Variants in SGCD observed in about 807,000 individuals in gnomAD.
The protein encoded by SGCD is sarcoglycan delta.
In SGCD, 18 loss-of-function variants were observed where a neutral mutation model predicts 36.6. The ratio of observed to expected loss-of-function variants is 0.49; its 90% CI spans 0.34 to 0.73. The LOEUF is 0.73. Ranked by LOEUF, SGCD falls within the 30% of genes least tolerant of loss-of-function variation. The pLI is 0.01. For synonymous variants in SGCD, 133 were observed against 130.6 expected, an observed-to-expected ratio of 1.02 and a Z score of -0.12; for missense variants, 387 against 346.7, an observed-to-expected ratio of 1.12 and a Z score of -0.92.
At chr5:156,648,157 C>T (rs1350255492) in intron 7 of SGCD, among the ~76,000 whole-genome samples, 1 of 152,084 alleles carries the variant, frequency 6.6e-6, no homozygotes, top group East Asian at 1.9e-4. Flanking sequence ...ATGCCCCTGT[C>T]CCTCCCGCCA....
intron 3 of SGCD, among the ~76,000 whole-genome samples, chr5:156,225,856 T>C (rs991581206): frequency 1.1e-4 from 16 of 152,046 alleles, no homozygotes; most frequent in African/African-American, 3.4e-4. Context: ...ATTCCCTTTT[T>C]ATTCAAGAGT....
chr5:155,741,687 C>CTTTTTTTTTTTTTTTTTTTTTT, the SGCD span, among the ~76,000 whole-genome samples: 2 of 132,290 alleles, frequency 1.5e-5, no homozygotes, highest in African/African-American at 2.8e-5. Context: ...CTTTTCTTTT[C>CTTTTTTTTTTTTTTTTTTTTTT]TTTTTTTTTT....
intron 1 of SGCD, among the ~76,000 whole-genome samples, chr5:155,969,348 G>T (rs1757964136): frequency 1.3e-5 from 2 of 152,062 alleles, no homozygotes; most frequent in African/African-American, 2.4e-5. Context: ...AAAGCATAAT[G>T]GTGATTTATA....
chr5:155,882,605 C>G (rs1004768324), intron 1 of SGCD, among the ~76,000 whole-genome samples: 1 of 152,200 alleles, frequency 6.6e-6, no homozygotes, highest in Non-Finnish European at 1.5e-5. Flanking sequence ...ACATCCCCAT[C>G]AGAGTTCTGA....
chr5:155,767,153 G>A, the SGCD span, among the ~76,000 whole-genome samples: 2 of 152,212 alleles, frequency 1.3e-5, no homozygotes, highest in Admixed American at 1.3e-4. Flanking sequence ...CTTCGCAGAT[G>A]CTTCAGTACC....
At chr5:156,059,758 A>T (rs1465604146) in intron 1 of SGCD, among the ~76,000 whole-genome samples, 1 of 147,110 alleles carries the variant, frequency 6.8e-6, no homozygotes, top group Non-Finnish European at 1.5e-5. Flanking sequence ...ACCTGGAAAC[A>T]GTGCACATGC....
chr5:156,353,937 T>C (rs1029408168), intron 3 of SGCD, among the ~76,000 whole-genome samples: 5 of 152,214 alleles, frequency 3.3e-5, no homozygotes, highest in Admixed American at 2.0e-4. Flanking sequence ...TCATAATTAC[T>C]GCAAATAACA....
chr5:156,557,881 C>T (rs890648333), intron 4 of SGCD, among the ~76,000 whole-genome samples: 2 of 151,560 alleles, frequency 1.3e-5, no homozygotes, highest in African/African-American at 4.8e-5. Flanking sequence ...TACCTCTGTG[C>T]CTTTTATTTT....
chr5:156,046,465 G>C (rs1196808200), intron 1 of SGCD, among the ~76,000 whole-genome samples: 4 of 151,974 alleles, frequency 2.6e-5, no homozygotes, highest in African/African-American at 4.8e-5. Context: ...AAGTCTATTG[G>C]TGCCATTTTT....
At chr5:156,677,455 C>A (rs186248758) in intron 7 of SGCD, among the ~76,000 whole-genome samples, 1 of 152,046 alleles carries the variant, frequency 6.6e-6, no homozygotes, top group East Asian at 1.9e-4. Flanking sequence ...AACCAAACAC[C>A]ACATGTTCTC....
chr5:156,216,490 G>T (rs894416773), intron 3 of SGCD, among the ~76,000 whole-genome samples: 15 of 151,962 alleles, frequency 9.9e-5, no homozygotes, highest in African/African-American at 3.6e-4. Context: ...TAATAAATTG[G>T]TTTGTTTATG....
chr5:156,271,698 C>T (rs1254291286), intron 3 of SGCD, among the ~76,000 whole-genome samples: 2 of 152,034 alleles, frequency 1.3e-5, no homozygotes, highest in African/African-American at 2.4e-5. Flanking sequence ...TCCTTGGGAG[C>T]TATTTCTGTA....
intron 1 of SGCD, among the ~76,000 whole-genome samples, chr5:155,975,973 T>C (rs72807715): frequency 0.045 from 6,885 of 152,180 alleles, 205 homozygotes; most frequent in Non-Finnish European, 0.07. Context: ...ATTCTAGTAA[T>C]AGAGTTTCAA....
intron 1 of SGCD, among the ~76,000 whole-genome samples, chr5:155,974,236 A>C (rs990029529): frequency 1.3e-5 from 2 of 152,188 alleles, no homozygotes; most frequent in Non-Finnish European, 2.9e-5. Context: ...TTTTGGGCTC[A>C]CGTGCAGTAG....
intron 3 of SGCD, among the ~76,000 whole-genome samples, chr5:156,349,706 T>G (rs550202421): frequency 0.013 from 1,940 of 152,206 alleles, 46 homozygotes; most frequent in African/African-American, 0.045. Flanking sequence ...GACATCAAAG[T>G]AGACCTACCA....
At chr5:155,920,269 A>G (rs1000685305) in intron 1 of SGCD, among the ~76,000 whole-genome samples, 3 of 152,196 alleles carry the variant, frequency 2.0e-5, no homozygotes, top group Non-Finnish European at 2.9e-5. Context: ...AGGAAGTAGA[A>G]TTGACAATAC....
At chr5:156,592,787 C>T (rs1379060716) in intron 5 of SGCD, among the ~76,000 whole-genome samples, 1 of 152,170 alleles carries the variant, frequency 6.6e-6, no homozygotes, top group African/African-American at 2.4e-5. Context: ...CCTATCTCTG[C>T]TGTTTCAATC....
chr5:156,727,855 G>C (rs1292881084), intron 7 of SGCD, among the ~76,000 whole-genome samples: 2 of 152,162 alleles, frequency 1.3e-5, no homozygotes, highest in African/African-American at 2.4e-5. Context: ...TATTTTCAAT[G>C]TAAAGTACAA....
At chr5:156,225,330 A>G (rs547845385) in intron 3 of SGCD, among the ~76,000 whole-genome samples, 3 of 152,162 alleles carry the variant, frequency 2.0e-5, no homozygotes, top group Non-Finnish European at 4.4e-5. Flanking sequence ...TTGTCACCCA[A>G]TGAAGATTAA....
Sources: allele counts gnomAD v4.1 joint callset (sites outside exome capture counted in the v4.1 genomes callset), GRCh38; gene constraint gnomAD v4.1.1; transcripts MANE v1.5; gene names NCBI Gene and HGNC (gene_info 2026-07-23, HGNC 2026-07-21).